Variants in ABCC8 observed in about 807,000 individuals in gnomAD.
The protein encoded by ABCC8 is ATP-binding cassette sub-family C member 8.
A neutral mutation model predicts 188.0 loss-of-function variants in ABCC8; 137 were observed. That is an observed-to-expected ratio of 0.73 (90% CI 0.63 to 0.84). The LOEUF (loss-of-function observed/expected upper bound fraction) is 0.84. ABCC8 is among the 40% of genes least tolerant of loss of function. The pLI, the probability that ABCC8 is intolerant of heterozygous loss-of-function variation, is 0.00. For synonymous variants in ABCC8, 797 were observed against 846.5 expected, an observed-to-expected ratio of 0.94 and a Z score of 1.01; for missense variants, 1,750 against 2,072.7, an observed-to-expected ratio of 0.84 and a Z score of 3.02.
intron 1 of ABCC8, 160 bp from the exon 2 acceptor site, chr11:17,475,187 C>T (rs946126816): frequency 3.4e-6 from 2 of 582,942 alleles, no homozygotes; most frequent in African/African-American, 4.1e-5. Flanking sequence ...ACGTCCAACT[C>T]ATTCAGCCTG....
At chr11:17,457,158 C>T (rs1007043599) in intron 6 of ABCC8, among the ~76,000 whole-genome samples, 3 of 152,148 alleles carry the variant, frequency 2.0e-5, no homozygotes, top group African/African-American at 7.2e-5. Flanking sequence ...AAGAGGCCAG[C>T]CCATGCATCA....
At chr11:17,393,465 G>A (rs1481686293) in intron 38 of ABCC8, among the ~76,000 whole-genome samples, 1 of 152,178 alleles carries the variant, frequency 6.6e-6, no homozygotes, top group Non-Finnish European at 1.5e-5. Flanking sequence ...TTGGAACCTG[G>A]AGAAGGAGAG....
intron 16 of ABCC8, among the ~76,000 whole-genome samples, chr11:17,420,258 C>A (rs1955275814): frequency 6.6e-6 from 1 of 152,142 alleles, no homozygotes; most frequent in African/African-American, 2.4e-5. Flanking sequence ...GTCATTGGGT[C>A]CCATTGCCAA....
intron 10 of ABCC8, among the ~76,000 whole-genome samples, chr11:17,436,469 GT>G (rs1160919152): frequency 2.0e-5 from 3 of 152,106 alleles, no homozygotes; most frequent in Non-Finnish European, 4.4e-5. Flanking sequence ...TGGTGGAGGG[GT>G]GGGGAATATA....
intron 16 of ABCC8, among the ~76,000 whole-genome samples, chr11:17,424,298 G>A (rs1400854672): frequency 6.6e-6 from 1 of 152,140 alleles, no homozygotes; most frequent in Non-Finnish European, 1.5e-5. Flanking sequence ...TGCACACTCT[G>A]CACATGTATC....
rs142005733 is a variant in ABCC8, at chr11:17,407,279, A to G, written c.2920+75T>C. On this transcript the variant is annotated intron_variant, in intron 24 of 38. Transcript: ENST00000389817. ...AGGCACACTACTGCACCACACCCAG[A>G]ACCCCAAACCTTAGCCTCTCTGTGG... is the stretch of plus-strand genomic sequence containing the variant. 6 of 1,612,842 alleles carry G rather than the reference A, an allele frequency of 3.7e-6. No homozygotes were observed. The East Asian group carries it at 1.1e-4, about 30-fold the overall frequency.
chr11:17,392,669 T>A (rs1953691336), downstream of ABCC8: 1 of 394,504 alleles, frequency 2.5e-6, no homozygotes, highest in African/African-American at 2.1e-5. Context: ...GATCCCAGAC[T>A]TCAGCCTCCA....
chr11:17,432,785 G>A (rs955923618), intron 10 of ABCC8, among the ~76,000 whole-genome samples: 4 of 152,124 alleles, frequency 2.6e-5, no homozygotes, highest in Non-Finnish European at 2.9e-5. Context: ...GGGGTAGCTG[G>A]TTTGCTGCAA....
At chr11:17,465,130 A>C (rs1848070604) in intron 3 of ABCC8, among the ~76,000 whole-genome samples, 1 of 152,180 alleles carries the variant, frequency 6.6e-6, no homozygotes, top group Admixed American at 6.5e-5. Context: ...TTCTGCTCTC[A>C]TGCCTCAGGA....
At chr11:17,396,043 G>T in intron 33 of ABCC8, 113 bp from the exon 34 acceptor site, 1 of 1,529,250 alleles carries the variant, frequency 6.5e-7, no homozygotes. Context: ...TATCTTTTTG[G>T]CCTGGTTTTC....
At chr11:17,450,765 T>C (rs969034035) in intron 7 of ABCC8, among the ~76,000 whole-genome samples, 1 of 140,438 alleles carries the variant, frequency 7.1e-6, no homozygotes, top group Non-Finnish European at 1.5e-5. Context: ...CTCAGCTCAC[T>C]GCAACCTCCA....
chr11:17,451,852 A>G (rs959502371), intron 7 of ABCC8, among the ~76,000 whole-genome samples: 3 of 152,208 alleles, frequency 2.0e-5, no homozygotes, highest in Non-Finnish European at 2.9e-5. Flanking sequence ...GCGAGAGGGT[A>G]TGTGCAAATC....
In ABCC8 at chr11:17,412,548, G is replaced by A. The variant is rs1591759758; in HGVS notation, c.2556+118C>T. 5 of 1,364,758 alleles carry A rather than the reference G, an allele frequency of 3.7e-6. No individual in the cohort carries two copies. In the South Asian group the frequency reaches 5.0e-5, roughly 14 times the overall value. 84.5% of individuals were successfully genotyped at this position (1,364,758 alleles called of 1,614,324 possible). A position where few individuals can be genotyped will look rare whatever the true frequency, so the allele number is the denominator to read the frequency against. On this transcript the variant is annotated intron_variant, in intron 21 of 38. Coordinates refer to ENST00000389817, the MANE Select transcript of ABCC8 (RefSeq NM_000352.6). Reference sequence around the variant, plus strand: ...GATAAGGCAATATCTCTGGCAGGAGGGATTTACTCCTGGAGAGGGAGATTG... The same window carrying A: ...GATAAGGCAATATCTCTGGCAGGAGAGATTTACTCCTGGAGAGGGAGATTG...
intron 10 of ABCC8, 59 bp downstream of exon 10, chr11:17,442,661 C>T (rs767914859): frequency 2.9e-5 from 46 of 1,562,290 alleles, no homozygotes; most frequent in South Asian, 1.0e-4. Flanking sequence ...CGAGCTCTGA[C>T]ACCCTCTCCT....
Position 17,428,598 on chromosome 11 carries a change from T to G in ABCC8, c.1890A>C (p.Thr630=), listed in dbSNP as rs1591798673. 6.2e-7 allele frequency: 1 copy of G among 1,613,922 alleles called. No homozygotes were observed. Among genetic ancestry groups the G allele is most frequent in the South Asian group, 1.1e-5 (1 of 91,076 alleles). Residue 630 remains threonine, a synonymous_variant, in exon 13 of 39, where the codon ACA becomes ACC. Transcript: ENST00000389817. ...REEQCAPHEP[T]PQGPASKYQA... is the part of the protein sequence containing the mutation. ...GGTACTTGCTGGCTGGGCCCTGAGG[T>G]GTGGGCTCATGGGGGGCACACTGCT...
In ABCC8 at chr11:17,476,698, A is replaced by G. The variant is rs1202763483; in HGVS notation, c.79T>C (p.Phe27Leu). ...GGCACCACGTTGAGCGCGTCCACAA[A>G]GCAGCCGTTGTTGAGGACCCCCTGG... ...VDQGVLNNGCFVDALNVVPHV... is the reference protein window; with the variant it reads ...VDQGVLNNGCLVDALNVVPHV... The change falls in exon 1 of 39, where the codon TTT becomes CTT. Residue 27 changes from phenylalanine to leucine, a missense_variant. Coordinates refer to ENST00000389817, the MANE Select transcript of ABCC8 (RefSeq NM_000352.6). 2 of 1,611,222 alleles carry G rather than the reference A, an allele frequency of 1.2e-6. No individual in the cohort carries two copies. Among genetic ancestry groups the G allele is most frequent in the Non-Finnish European group, 1.7e-6 (2 of 1,179,084 alleles).
At position 17,408,411 on chromosome 11, in the gene ABCC8, T is replaced by C; in HGVS notation, c.2801A>G (p.Gln934Arg). The change falls in exon 23 of 39, where the codon CAG becomes CGG. Residue 934 changes from glutamine to arginine, a missense_variant. Physicochemically the swap from Gln to Arg is conservative, Grantham distance 43 (BLOSUM62 1). Coordinates refer to ENST00000389817, the MANE Select transcript of ABCC8 (RefSeq NM_000352.6). ...ACCCACCTTCTCCAGCTCTTGGTCC[T>C]GTCGGTTCATGAGGGTCTTCCAGTG... ...FEHWKTLMNR[Q>R]DQELEKETVT... 6.2e-7 allele frequency: 1 copy of C among 1,613,636 alleles called. No individual in the cohort carries two copies. The highest frequency in any genetic ancestry group is 8.5e-7 in the Non-Finnish European group (1 of 1,180,014).
intron 9 of ABCC8, 93 bp downstream of exon 9, chr11:17,443,085 G>GTCAAA (rs1435480629): frequency 6.5e-7 from 1 of 1,539,378 alleles, no homozygotes; most frequent in African/African-American, 1.4e-5. Flanking sequence ...CAAAGTCAAA[G>GTCAAA]TCAATGACAG....
chr11:17,395,952 C>A (rs1254208715), intron 33 of ABCC8, 22 bp from the exon 34 acceptor site: 13 of 1,560,468 alleles, frequency 8.3e-6, no homozygotes, highest in Non-Finnish European at 1.1e-5. Context: ...GAAGCAGGCA[C>A]CGCCACTGGG....
Sources: allele counts gnomAD v4.1 joint callset (sites outside exome capture counted in the v4.1 genomes callset), GRCh38; gene constraint gnomAD v4.1.1; transcripts MANE v1.5; gene names NCBI Gene and HGNC (gene_info 2026-07-23, HGNC 2026-07-21).